The following CNTN5 variants were observed in gnomAD, a reference collection of about 807,000 sequenced individuals.
CNTN5 encodes contactin-5.
A neutral mutation model predicts 129.1 loss-of-function variants in CNTN5; 77 were observed. That is an observed-to-expected ratio of 0.60 (90% confidence interval 0.50 to 0.72). CNTN5 has a LOEUF of 0.72. Among genes scored for constraint, CNTN5 ranks in the 30% least tolerant of loss-of-function variants. The pLI is 0.00. For synonymous variants in CNTN5, 509 were observed against 465.6 expected (o/e 1.09, Z -1.20); for missense variants, 1,478 against 1,328.8 (o/e 1.11, Z -1.75).
chr11:99,569,525 G>T (rs563386185), intron 3 of CNTN5, among the ~76,000 whole-genome samples: 78 of 152,162 alleles, frequency 5.1e-4, no homozygotes, highest in Non-Finnish European at 9.4e-4. Flanking sequence ...TGTTGGCCAG[G>T]CTGGTCTCGA....
chr11:100,040,897 A>G (rs1461949373), intron 9 of CNTN5, among the ~76,000 whole-genome samples: 1 of 152,184 alleles, frequency 6.6e-6, no homozygotes, highest in African/African-American at 2.4e-5. Context: ...TGACTAGGAA[A>G]GGGAATTCCC....
intron 1 of CNTN5, among the ~76,000 whole-genome samples, chr11:99,319,199 A>C (rs1180301698): frequency 2.0e-5 from 3 of 152,216 alleles, no homozygotes; most frequent in Non-Finnish European, 2.9e-5. Context: ...ATATGTGTGT[A>C]AGTATGGAGT....
At chr11:100,028,859 T>G (rs998316205) in intron 9 of CNTN5, among the ~76,000 whole-genome samples, 1 of 152,226 alleles carries the variant, frequency 6.6e-6, no homozygotes, top group African/African-American at 2.4e-5. Context: ...AAACCTTTCT[T>G]TTTTTCCTGT....
chr11:99,972,540 T>A (rs1297075898), intron 8 of CNTN5, among the ~76,000 whole-genome samples: 1 of 152,154 alleles, frequency 6.6e-6, no homozygotes, highest in Non-Finnish European at 1.5e-5. Context: ...GAGAAGCACT[T>A]CCATTTCCAC....
At chr11:99,639,805 C>G (rs576608842) in intron 3 of CNTN5, among the ~76,000 whole-genome samples, 180 of 152,126 alleles carry the variant, frequency 1.2e-3, no homozygotes, top group Non-Finnish European at 2.1e-3. Context: ...CTCAGGTGAT[C>G]CACCCACCTC....
At chr11:100,040,403 CT>C (rs1942303586) in intron 9 of CNTN5, among the ~76,000 whole-genome samples, 1 of 152,204 alleles carries the variant, frequency 6.6e-6, no homozygotes, top group African/African-American at 2.4e-5. Context: ...CCCAGTTAGG[CT>C]ACTCGGGGGT....
chr11:99,229,998 AT>A (rs1338270158), intron 1 of CNTN5, among the ~76,000 whole-genome samples: 1 of 152,116 alleles, frequency 6.6e-6, no homozygotes, highest in Non-Finnish European at 1.5e-5. Context: ...AAAGAGGTAC[AT>A]TTTTTAATGC....
chr11:99,634,054 G>C (rs1951460370), intron 3 of CNTN5, among the ~76,000 whole-genome samples: 1 of 152,176 alleles, frequency 6.6e-6, no homozygotes, highest in African/African-American at 2.4e-5. Context: ...GTAAGGAAGA[G>C]ATCCTCGGGT....
At chr11:99,523,139 AC>A in intron 2 of CNTN5, among the ~76,000 whole-genome samples, 1 of 151,912 alleles carries the variant, frequency 6.6e-6, no homozygotes, top group East Asian at 1.9e-4. Flanking sequence ...TCCCTCTTTT[AC>A]CCCGTACAGC....
chr11:99,217,417 T>G (rs1010199145), intron 1 of CNTN5, among the ~76,000 whole-genome samples: 9 of 152,212 alleles, frequency 5.9e-5, no homozygotes, highest in Admixed American at 5.9e-4. Context: ...TGTATCCATA[T>G]GATAGGCAAG....
At chr11:99,710,059 A>T (rs1954909177) in intron 3 of CNTN5, among the ~76,000 whole-genome samples, 1 of 151,646 alleles carries the variant, frequency 6.6e-6, no homozygotes, top group African/African-American at 2.4e-5. Flanking sequence ...TGCTATTAGT[A>T]TTTTTTTGTT....
intron 6 of CNTN5, among the ~76,000 whole-genome samples, chr11:99,893,674 G>A (rs1949124530): frequency 6.6e-6 from 1 of 152,116 alleles, no homozygotes; most frequent in African/African-American, 2.4e-5. Context: ...TATTTAGGTT[G>A]AATTTGATTG....
intron 3 of CNTN5, among the ~76,000 whole-genome samples, chr11:99,677,995 G>A (rs968747355): frequency 6.6e-6 from 1 of 151,954 alleles, no homozygotes; most frequent in Non-Finnish European, 1.5e-5. Context: ...TGCTTCTACT[G>A]AAGCACTTTA....
intron 1 of CNTN5, among the ~76,000 whole-genome samples, chr11:99,062,930 G>A (rs1397337166): frequency 3.9e-5 from 6 of 151,954 alleles, no homozygotes; most frequent in South Asian, 2.1e-4. Flanking sequence ...TGAAAGATAC[G>A]GAGATTAAGA....
chr11:100,242,168 A>G (rs1358162912), intron 16 of CNTN5, among the ~76,000 whole-genome samples: 2 of 152,124 alleles, frequency 1.3e-5, no homozygotes, highest in African/African-American at 4.8e-5. Context: ...GCTATGCTCC[A>G]ATTGCCATAC....
intron 10 of CNTN5, among the ~76,000 whole-genome samples, chr11:100,062,241 C>T (rs1943514775): frequency 6.6e-6 from 1 of 152,072 alleles, no homozygotes; most frequent in African/African-American, 2.4e-5. Context: ...TATAGTTATC[C>T]AAATTTCATA....
Position 99,447,767 on chromosome 11 carries a change from A to G in CNTN5, c.-70-108378A>G, listed in dbSNP as rs184314937. On this transcript the variant is annotated intron_variant, in intron 2 of 24. Transcript: ENST00000524871. ...TGGTGAAATCCCATCTCTACTAAAA[A>G]TACAAAAACTAGCTGGGTGTCGTGG... 4.9e-3 allele frequency among the ~76,000 whole-genome samples: 747 copies of G among 152,238 alleles called. 5 individuals are homozygous for G. Among genetic ancestry groups the G allele is most frequent in the African/African-American group, 0.016 (661 of 41,544 alleles).
At chr11:99,357,747 A>C (rs1050880972) in intron 2 of CNTN5, among the ~76,000 whole-genome samples, 5 of 152,034 alleles carry the variant, frequency 3.3e-5, no homozygotes, top group African/African-American at 1.2e-4. Flanking sequence ...AGAGTAGAGA[A>C]CATTTACAAA....
At chr11:99,041,184 A>G (rs372212343) in intron 1 of CNTN5, among the ~76,000 whole-genome samples, 3 of 152,018 alleles carry the variant, frequency 2.0e-5, no homozygotes, top group East Asian at 3.9e-4. Context: ...TTTTCTCTTT[A>G]TTTTAAAATT....
Sources: allele counts gnomAD v4.1 joint callset (sites outside exome capture counted in the v4.1 genomes callset), GRCh38; gene constraint gnomAD v4.1.1; transcripts MANE v1.5; gene names NCBI Gene and HGNC (gene_info 2026-07-23, HGNC 2026-07-21).